Variants in PEX3 observed in about 807,000 individuals in gnomAD.
PEX3 encodes the protein peroxisomal biogenesis factor 3, also known as peroxin-3.
In PEX3, 30 loss-of-function variants were observed where a neutral mutation model predicts 55.8. The ratio of observed to expected loss-of-function variants is 0.54; its 90% CI spans 0.40 to 0.73. The LOEUF (loss-of-function observed/expected upper bound fraction) is 0.73. PEX3 is among the 30% of genes least tolerant of loss of function. The pLI, the probability that PEX3 is intolerant of heterozygous loss-of-function variation, is 0.00. For synonymous variants in PEX3, 135 were observed against 148.4 expected (o/e 0.91, Z 0.66); for missense variants, 351 against 432.8 (o/e 0.81, Z 1.68).
At position 143,482,193 on chromosome 6, in the gene PEX3, G is replaced by A. The variant is rs1156883724; in HGVS notation, c.942-2959G>A. ...TGATTTTTTTCTATACTTATATCTT[G>A]AAAATAGGTAACTTTTACTGTTGGA... On this transcript the variant is annotated intron_variant, in intron 10 of 11. Coordinates refer to ENST00000367591, the MANE Select transcript of PEX3 (RefSeq NM_003630.3). This position sits in a 1 kb window ranked among gnomAD's most constrained non-coding sequence, Gnocchi z 5.5. Among the ~76,000 whole-genome samples the A allele has an allele frequency of 2.0e-5, 3 of 151,972 alleles. No individual in the cohort carries two copies. The highest frequency in any genetic ancestry group is 2.9e-5 in the Non-Finnish European group (2 of 67,982).
In PEX3 at chr6:143,454,280, T is replaced by C. The variant is rs1779813708; in HGVS notation, c.73+3165T>C. Among the ~76,000 whole-genome samples, 1 of 152,210 alleles carries C rather than the reference T, an allele frequency of 6.6e-6. No individual in the cohort carries two copies. The highest frequency in any genetic ancestry group is 2.4e-5 in the African/African-American group (1 of 41,464). ...AGAATGAAAAAGGCAAATAACATTT[T>C]AGTATTATTACGAAAACAGTTTTGA... On this transcript the variant is annotated intron_variant, in intron 1 of 11. Coordinates refer to ENST00000367591, the MANE Select transcript of PEX3 (RefSeq NM_003630.3). This position sits in a 1 kb window ranked among gnomAD's most constrained non-coding sequence, Gnocchi z 4.3.
intron 1 of PEX3, among the ~76,000 whole-genome samples, chr6:143,455,943 T>C (rs1376138092): frequency 6.6e-6 from 1 of 152,226 alleles, no homozygotes; most frequent in African/African-American, 2.4e-5. Context: ...AGTTGCATTG[T>C]AGGGATTTTC....
At chr6:143,484,543 G>A (rs1441512496) in intron 10 of PEX3, among the ~76,000 whole-genome samples, 1 of 151,958 alleles carries the variant, frequency 6.6e-6, no homozygotes, top group East Asian at 1.9e-4. Flanking sequence ...GGAGTAGGGG[G>A]GAAATACTCA....
rs185690740 is a variant in PEX3 at position 143,485,897 on chromosome 6, T to G, written c.1038+649T>G. Among the ~76,000 whole-genome samples the G allele has an allele frequency of 6.6e-6, 1 of 152,210 alleles. No homozygotes were observed. ...GCAAACTTGGAAACTGTGTTATAAGTTAAAAAATTGTTTGCAATGCCAGTT... is the reference window on the plus strand; with the variant it reads ...GCAAACTTGGAAACTGTGTTATAAGGTAAAAAATTGTTTGCAATGCCAGTT... On this transcript the variant is annotated intron_variant, in intron 11 of 11. Transcript: ENST00000367591. This position sits in a 1 kb window ranked among gnomAD's most constrained non-coding sequence, Gnocchi z 5.6.
chr6:143,472,356 A>C, intron 8 of PEX3, 28 bp downstream of exon 8: 3 of 1,514,566 alleles, frequency 2.0e-6, no homozygotes, highest in Non-Finnish European at 2.7e-6. Flanking sequence ...ATTTAACCAA[A>C]CCAGTTACTC....
At chr6:143,452,158 C>T (rs967369049) in intron 1 of PEX3, among the ~76,000 whole-genome samples, 5 of 152,108 alleles carry the variant, frequency 3.3e-5, no homozygotes, top group Admixed American at 2.6e-4. Context: ...CCTTTAGCAT[C>T]AATAGTTCAG....
chr6:143,485,258 A>G lies in PEX3; in HGVS notation c.1038+10A>G. The G allele has an allele frequency of 6.9e-7, 1 of 1,458,894 alleles. No homozygotes were observed. Among genetic ancestry groups the G allele is most frequent in the Non-Finnish European group, 9.6e-7 (1 of 1,038,754 alleles). 90.4% of individuals were successfully genotyped at this position (1,458,894 alleles called of 1,614,324 possible). ...TAGTCATTTTGTTCAGGTAAGAAGA[A>G]AGCTTGGGAGTGTTATTAAAAGCAA... On this transcript the variant is annotated intron_variant, in intron 11 of 11. Transcript: ENST00000367591. This position sits in a 1 kb window ranked among gnomAD's most constrained non-coding sequence, Gnocchi z 5.6.
chr6:143,464,609 A>G lies in PEX3; in HGVS notation c.287+1612A>G, dbSNP rs959622594. ...GAATTTCTTAAATTCTGGAGAATTT[A>G]AGGTGGGCCACAGTTCTCCTCATTC... On this transcript the variant is annotated intron_variant, in intron 3 of 11. Coordinates refer to ENST00000367591, the MANE Select transcript of PEX3 (RefSeq NM_003630.3). The surrounding 1 kb of genome is among the most constrained non-coding windows in gnomAD (Gnocchi z 5.8). Among the ~76,000 whole-genome samples, 4 of 151,954 alleles carry G rather than the reference A, an allele frequency of 2.6e-5. No homozygotes were observed. Among genetic ancestry groups the G allele is most frequent in the African/African-American group, 9.7e-5 (4 of 41,436 alleles).
chr6:143,456,610 G>A (rs1261305189), intron 1 of PEX3, among the ~76,000 whole-genome samples: 5 of 152,270 alleles, frequency 3.3e-5, no homozygotes, highest in East Asian at 1.9e-4. Context: ...CTCATAGATA[G>A]GCATCTCCTC....
rs770545560 is a variant in PEX3, at chr6:143,485,049, T to C, written c.942-103T>C. On this transcript the variant is annotated intron_variant, in intron 10 of 11. Transcript: ENST00000367591. The surrounding 1 kb of genome is among the most constrained non-coding windows in gnomAD (Gnocchi z 5.6). ...GGTTTTTTTTCCTTTTTAATAGATT[T>C]CCAAAAATATTCTACAATGGCTATG... 110 of 756,422 alleles carry C rather than the reference T, an allele frequency of 1.5e-4. No individual in the cohort carries two copies. Among genetic ancestry groups the C allele is most frequent in the Admixed American group, 3.1e-4 (16 of 50,960 alleles). 46.9% of individuals were successfully genotyped at this position (756,422 alleles called of 1,614,324 possible).
chr6:143,472,470 A>G (rs1025156594), intron 8 of PEX3, 142 bp downstream of exon 8: 7 of 660,830 alleles, frequency 1.1e-5, no homozygotes, highest in African/African-American at 3.6e-5. Flanking sequence ...AAACCCATTA[A>G]TTTAGAAAAA....
At position 143,485,358 on chromosome 6, in the gene PEX3, C is replaced by T; in HGVS notation, c.1038+110C>T. 2 of 745,724 alleles carry T rather than the reference C, an allele frequency of 2.7e-6. No individual in the cohort carries two copies. Among genetic ancestry groups the T allele is most frequent in the Non-Finnish European group, 4.9e-6 (2 of 408,430 alleles). The allele number at this position is 745,724 out of a possible 1,614,324, so 46.2% of individuals were successfully genotyped here. On this transcript the variant is annotated intron_variant, in intron 11 of 11. Transcript: ENST00000367591. This position sits in a 1 kb window ranked among gnomAD's most constrained non-coding sequence, Gnocchi z 5.6. ...CTGCTGAGAGGTTTTTTCAAAAAAT[C>T]ACAGAACTTGGAACTACATGTAGAG...
Position 143,472,248 on chromosome 6 carries a change from T to C in PEX3, c.667T>C (p.Ser223Pro), listed in dbSNP as rs1320175967. The C allele has an allele frequency of 6.2e-7, 1 of 1,608,756 alleles. No homozygotes were observed. Among genetic ancestry groups the C allele is most frequent in the Non-Finnish European group, 8.5e-7 (1 of 1,175,390 alleles). The change falls in exon 8 of 12, where the codon TCT becomes CCT. Residue 223 changes from serine to proline, a missense_variant. By Grantham distance (74) the Ser-to-Pro change is moderately conservative. Transcript: ENST00000367591. ...RNLVEQHKSSSWINKDGSKPL... is the reference protein window; with the variant it reads ...RNLVEQHKSSPWINKDGSKPL... Reference sequence around the variant, plus strand: ...TCTCGTTGAGCAGCATAAGTCTTCTTCTTGGATTAATAAAGATGGATCCAA... The same window carrying C: ...TCTCGTTGAGCAGCATAAGTCTTCTCCTTGGATTAATAAAGATGGATCCAA...
intron 1 of PEX3, among the ~76,000 whole-genome samples, chr6:143,452,102 C>T (rs1261289440): frequency 6.6e-6 from 1 of 152,066 alleles, no homozygotes. Flanking sequence ...ATTAACAGTA[C>T]GTATTAGATT....
chr6:143,474,699 A>C (rs1780127374), intron 8 of PEX3, 87 bp from the exon 9 acceptor site: 1 of 809,046 alleles, frequency 1.2e-6, no homozygotes, highest in Admixed American at 1.7e-5. Context: ...TAGATTTCCT[A>C]AACTCTTTAT....
chr6:143,466,481 C>T lies in PEX3; in HGVS notation c.288-1641C>T, dbSNP rs1464329897. 2.0e-5 allele frequency among the ~76,000 whole-genome samples: 3 copies of T among 151,938 alleles called. No homozygotes were observed. The highest frequency in any genetic ancestry group is 1.5e-5 in the Non-Finnish European group (1 of 67,924). Reference sequence around the variant, plus strand: ...CCAGAGTAATGATGCTGGCATATTACGGTTGTGCTATTTTATTGTGAGTTA... The same window carrying T: ...CCAGAGTAATGATGCTGGCATATTATGGTTGTGCTATTTTATTGTGAGTTA... On this transcript the variant is annotated intron_variant, in intron 3 of 11. Coordinates refer to ENST00000367591, the MANE Select transcript of PEX3 (RefSeq NM_003630.3). This position sits in a 1 kb window ranked among gnomAD's most constrained non-coding sequence, Gnocchi z 5.4.
rs1307109607 is a variant in PEX3 at position 143,463,743 on chromosome 6, A to G, written c.287+746A>G. ...TCACCCTTCAAATAGCCAGGGGAAA[A>G]GTAGTTCTATTTCTAAACTGTCTCA... On this transcript the variant is annotated intron_variant, in intron 3 of 11. Transcript: ENST00000367591. This position sits in a 1 kb window ranked among gnomAD's most constrained non-coding sequence, Gnocchi z 5.7. 3.3e-5 allele frequency among the ~76,000 whole-genome samples: 5 copies of G among 152,134 alleles called. No individual in the cohort carries two copies. The highest frequency in any genetic ancestry group is 3.3e-4 in the Admixed American group (5 of 15,260).
In PEX3 at chr6:143,459,143, G is replaced by A. The variant is rs758659648; in HGVS notation, c.132G>A (p.Glu44=). The A allele has an allele frequency of 6.2e-7, 1 of 1,606,848 alleles. No individual in the cohort carries two copies. ...QKKIREIQER[E]AAEYIAQARR... is the part of the protein sequence containing the mutation. ...AAATCAGAGAAATACAGGAAAGGGA[G>A]GCTGCAGAATACATTGCCCAAGCAC... Residue 44 remains glutamate, a synonymous_variant, in exon 2 of 12, where the codon GAG becomes GAA. Transcript: ENST00000367591. This position sits in a 1 kb window ranked among gnomAD's most constrained non-coding sequence, Gnocchi z 4.2.
chr6:143,471,995 G>T lies in PEX3; in HGVS notation c.579-165G>T, dbSNP rs148145962. 6.6e-6 allele frequency among the ~76,000 whole-genome samples: 1 copy of T among 152,100 alleles called. No individual in the cohort carries two copies. Among genetic ancestry groups the T allele is most frequent in the African/African-American group, 2.4e-5 (1 of 41,424 alleles). ...TACTTTTCTTGGCTCTGTAGTAATG[G>T]CCCTTAACTAGTGGCTGATTTCGTA... On this transcript the variant is annotated intron_variant, in intron 7 of 11. Coordinates refer to ENST00000367591, the MANE Select transcript of PEX3 (RefSeq NM_003630.3). The surrounding 1 kb of genome is among the most constrained non-coding windows in gnomAD (Gnocchi z 5.4).
Sources: gnomAD v4.1 joint callset for allele counts (sites outside exome capture counted in the v4.1 genomes callset) on GRCh38, gnomAD v4.1.1 for gene constraint, Gnocchi (gnomAD v3.1) non-coding constraint, MANE v1.5 for transcripts, NCBI Gene and HGNC (gene_info 2026-07-23, HGNC 2026-07-21) for gene names.